ZNF208: variants seen among roughly 807,000 people sequenced by gnomAD.
ZNF208 encodes the protein zinc finger protein 208, also known as zinc finger protein 95.
A neutral mutation model predicts 12.1 loss-of-function variants in ZNF208; 10 were observed. The ratio of observed to expected loss-of-function variants is 0.83; its 90% CI spans 0.51 to 1.40. The LOEUF is 1.40. Among genes scored for constraint, ZNF208 ranks in the 40% most tolerant of loss-of-function variants. The pLI is 0.00. For synonymous variants in ZNF208, 497 were observed against 488.4 expected (o/e 1.02, Z -0.23); for missense variants, 1,652 against 1,485.0 (o/e 1.11, Z -1.85).
At chr19:21,984,940 CAT>C (rs772435245) in intron 3 of ZNF208, among the ~76,000 whole-genome samples, 5 of 152,100 alleles carry the variant, frequency 3.3e-5, no homozygotes, top group Admixed American at 6.6e-5. Flanking sequence ...CATGTATAGT[CAT>C]ATGAGGAGTC....
At chr19:21,960,545 G>C (rs1970046962) in intron 4 of ZNF208, among the ~76,000 whole-genome samples, 1 of 152,122 alleles carries the variant, frequency 6.6e-6, no homozygotes, top group South Asian at 2.1e-4. Flanking sequence ...CTTAGAGGTG[G>C]GCTCAGCACT....
intron 4 of ZNF208, among the ~76,000 whole-genome samples, chr19:21,954,507 T>C (rs1969940536): frequency 6.6e-6 from 1 of 152,224 alleles, no homozygotes; most frequent in African/African-American, 2.4e-5. Context: ...GCTTTATGAA[T>C]CTGGGTGCTC....
chr19:21,995,095 G>A (rs1970809537), intron 1 of ZNF208, among the ~76,000 whole-genome samples: 1 of 151,898 alleles, frequency 6.6e-6, no homozygotes, highest in Non-Finnish European at 1.5e-5. Flanking sequence ...AGGACTACAG[G>A]CATGAGCCAC....
rs1970169455 is a variant in ZNF208, at chr19:21,966,467, G to T, written c.*4724C>A. ...TCTCTTCTGTTGCTGCATAGTATTG[G>T]AGGTTGTATAAGTACATCATTTTTC... On this transcript the variant is annotated 3_prime_UTR_variant, in exon 4 of 4. Coordinates refer to ENST00000397126, the MANE Select transcript of ZNF208 (RefSeq NM_007153.3). 1 of 152,104 alleles carries T rather than the reference G, an allele frequency of 6.6e-6. No homozygotes were observed. Among genetic ancestry groups the T allele is most frequent in the African/African-American group, 2.4e-5 (1 of 41,446 alleles). The allele number at this position is 152,104 out of a possible 1,614,324, so 9.4% of individuals were successfully genotyped here.
At chr19:22,005,916 C>T (rs1971036273) in intron 1 of ZNF208, among the ~76,000 whole-genome samples, 1 of 152,174 alleles carries the variant, frequency 6.6e-6, no homozygotes, top group African/African-American at 2.4e-5. Context: ...AAACCCTTCT[C>T]ATCATGACTT....
At chr19:22,009,701 G>A (rs1428940280) in intron 1 of ZNF208, 1 of 149,676 alleles carries the variant, frequency 6.7e-6, no homozygotes, top group South Asian at 2.1e-4. Context: ...GAGCCCAGAT[G>A]GCGCCACTGC....
chr19:21,946,836 C>T (rs11667684), intron 4 of ZNF208, among the ~76,000 whole-genome samples: 49,281 of 152,008 alleles, frequency 0.32, 9,562 homozygotes, highest in East Asian at 0.5. Flanking sequence ...GGTCCTATGG[C>T]AACTGAAGGT....
intron 1 of ZNF208, among the ~76,000 whole-genome samples, chr19:22,006,986 C>T (rs182283032): frequency 3.6e-4 from 55 of 152,206 alleles, no homozygotes; most frequent in Admixed American, 3.5e-3. Context: ...TACCATTAAA[C>T]TCAGAAATCG....
rs1427264537 is a variant in ZNF208, at chr19:21,972,407, A to C, written c.2627T>G (p.Leu876Arg). ...AGTATGAATTTTCTTATGATAACTA[A>C]GGGTTGAGGGCCATTTATAGGCTTT... ...CGKAYKWPST[L>R]SYHKKIHTGE... Residue 876 changes from leucine (L) to arginine (R), a missense_variant, in exon 4 of 4, where the codon CTT becomes CGT. Transcript: ENST00000397126. 6.2e-7 allele frequency: 1 copy of C among 1,612,292 alleles called. No homozygotes were observed. Among genetic ancestry groups the C allele is most frequent in the African/African-American group, 1.3e-5 (1 of 74,820 alleles).
Position 21,972,189 on chromosome 19 carries a change from C to G in ZNF208, c.2845G>C (p.Ala949Pro). The G allele has an allele frequency of 6.2e-7, 1 of 1,608,668 alleles. No individual in the cohort carries two copies. Residue 949 changes from alanine to proline, a missense_variant, in exon 4 of 4, where the codon GCA (alanine) becomes CCA (proline). This residue lies in a region of ZNF208 where 1,239 missense variants were observed against 1,086.2 expected (regional missense o/e 1.14). Transcript: ENST00000397126. ...GATGACTTATAGGCTTTGCCACATG[C>G]TTCACATTTGTAGAATTTCTCTCCA... The part of the protein sequence containing the change: ...HAGEKFYKCE[A>P]CGKAYKSSST...
chr19:21,994,104 G>GTATAGAA (rs1390648921), intron 1 of ZNF208, among the ~76,000 whole-genome samples: 1 of 152,088 alleles, frequency 6.6e-6, no homozygotes, highest in Non-Finnish European at 1.5e-5. Context: ...TAGAACAAAA[G>GTATAGAA]CTAAATATAG....
At chr19:21,961,512 G>A (rs1427297503), downstream of ZNF208, among the ~76,000 whole-genome samples, 1 of 152,110 alleles carries the variant, frequency 6.6e-6, no homozygotes, top group African/African-American at 2.4e-5. Context: ...AGAAAATTGG[G>A]TTCGAGAGCA....
At chr19:21,977,355 C>T (rs1970451065) in intron 3 of ZNF208, among the ~76,000 whole-genome samples, 1 of 152,214 alleles carries the variant, frequency 6.6e-6, no homozygotes, top group African/African-American at 2.4e-5. Flanking sequence ...TGGGTGATTT[C>T]TGCGTTTCCA....
In ZNF208 at chr19:21,973,894, C is replaced by T. The variant is rs770722014; in HGVS notation, c.1140G>A (p.Trp380Ter). The T allele has an allele frequency of 1.9e-6, 3 of 1,612,800 alleles. No homozygotes were observed. The highest frequency in any genetic ancestry group is 1.1e-5 in the South Asian group (1 of 90,996). The stretch of plus-strand genomic sequence containing the variant: ...TCTTATGATAACTAAGGGTTGAGGG[C>T]CACTTATAGGCTTTGCCGCATTCTT... ...KCEECGKAYK[W>*]PSTLSYHKKI... The change falls in exon 4 of 4, where the codon TGG (tryptophan) becomes TGA (stop). Residue 380 changes from tryptophan (W) to a stop codon, truncating the protein, a stop_gained. Transcript: ENST00000397126. LOFTEE classifies it low-confidence loss of function (END_TRUNC).
chr19:21,965,419 C>T (rs140368314), downstream of ZNF208, among the ~76,000 whole-genome samples: 2 of 152,124 alleles, frequency 1.3e-5, no homozygotes, highest in East Asian at 1.9e-4. Flanking sequence ...AAATGCCACA[C>T]CTTGATTGAA....
chr19:21,992,429 A>T (rs937024757), intron 1 of ZNF208, among the ~76,000 whole-genome samples: 18 of 152,232 alleles, frequency 1.2e-4, no homozygotes, highest in Non-Finnish European at 1.9e-4. Flanking sequence ...GATTTTAAAT[A>T]GTCTTTCTTT....
intron 1 of ZNF208, among the ~76,000 whole-genome samples, chr19:21,999,703 A>G (rs538889881): frequency 6.6e-6 from 1 of 152,328 alleles, no homozygotes; most frequent in East Asian, 1.9e-4. Flanking sequence ...AGACAAAAAG[A>G]AAGCAATGAA....
intron 1 of ZNF208, among the ~76,000 whole-genome samples, chr19:21,991,235 TGTGA>T (rs1254356383): frequency 6.6e-6 from 1 of 152,218 alleles, no homozygotes; most frequent in African/African-American, 2.4e-5. Context: ...TGATATTGGC[TGTGA>T]GTTTGTCATA....
chr19:21,986,308 A>G (rs1173175201), intron 3 of ZNF208, among the ~76,000 whole-genome samples: 4 of 152,184 alleles, frequency 2.6e-5, no homozygotes, highest in Admixed American at 6.5e-5. Context: ...AAACCAATAA[A>G]TACACTCAGT....
Sources: gnomAD v4.1 joint callset for allele counts (sites outside exome capture counted in the v4.1 genomes callset) on GRCh38, gnomAD v4.1.1 for gene constraint, gnomAD v4.1.1 regional missense constraint, MANE v1.5 for transcripts, NCBI Gene and HGNC (gene_info 2026-07-23, HGNC 2026-07-21) for gene names.